The following ANTXR1 variants were observed in gnomAD, a reference collection of about 807,000 sequenced individuals.
ANTXR1 encodes the protein anthrax toxin receptor 1.
ANTXR1 carries 19 observed loss-of-function variants against 78.1 expected under a neutral mutation model. That is an observed-to-expected ratio of 0.24 (90% CI 0.17 to 0.36). ANTXR1 has a LOEUF of 0.36. ANTXR1 is among the 10% of genes least tolerant of loss of function. The pLI, the probability that ANTXR1 is intolerant of heterozygous loss-of-function variation, is 1.00. For missense variants in ANTXR1, 518 were observed against 718.6 expected, an observed-to-expected ratio of 0.72 and a Z score of 3.19; for synonymous variants, 273 against 260.5, an observed-to-expected ratio of 1.05 and a Z score of -0.46.
intron 14 of ANTXR1, among the ~76,000 whole-genome samples, chr2:69,177,076 T>C (rs1056037023): frequency 6.6e-6 from 1 of 152,202 alleles, no homozygotes; most frequent in African/African-American, 2.4e-5. Flanking sequence ...GGAAAATTCA[T>C]CCTTTCTACC....
intron 17 of ANTXR1, among the ~76,000 whole-genome samples, chr2:69,244,460 T>G (rs2104535788): frequency 6.6e-6 from 1 of 152,334 alleles, no homozygotes; most frequent in African/African-American, 2.4e-5. Flanking sequence ...ACAAACTGTT[T>G]ATTATTTACT....
intron 1 of ANTXR1, among the ~76,000 whole-genome samples, chr2:69,037,448 G>A (rs970156599): frequency 3.9e-5 from 6 of 152,064 alleles, no homozygotes; most frequent in African/African-American, 7.2e-5. Context: ...AAAGCAACAC[G>A]GAGAGACCAA....
At chr2:69,014,486 A>C (rs1670964250) in intron 1 of ANTXR1, among the ~76,000 whole-genome samples, 1 of 152,166 alleles carries the variant, frequency 6.6e-6, no homozygotes, top group African/African-American at 2.4e-5. Flanking sequence ...TTCCTTGCAA[A>C]AAGTGGTTAG....
At chr2:69,150,415 C>T (rs968569855) in intron 12 of ANTXR1, among the ~76,000 whole-genome samples, 1 of 152,294 alleles carries the variant, frequency 6.6e-6, no homozygotes. Flanking sequence ...AGATCCCCTG[C>T]CCCTGGATAA....
chr2:69,036,255 T>C (rs1026196302), intron 1 of ANTXR1, among the ~76,000 whole-genome samples: 1 of 152,196 alleles, frequency 6.6e-6, no homozygotes, highest in African/African-American at 2.4e-5. Context: ...AGTGGATGTA[T>C]ATATTTACAG....
chr2:69,238,960 CAT>C (rs1675836635), intron 17 of ANTXR1, among the ~76,000 whole-genome samples: 1 of 152,154 alleles, frequency 6.6e-6, no homozygotes, highest in Non-Finnish European at 1.5e-5. Context: ...ACACAGCACA[CAT>C]GAGCTCACCA....
In ANTXR1 at chr2:69,070,656, C is replaced by T. The variant is rs1670537658; in HGVS notation, c.306C>T (p.Ile102=). 2 of 1,613,968 alleles carry T rather than the reference C, an allele frequency of 1.2e-6. No homozygotes were observed. The highest frequency in any genetic ancestry group is 1.7e-6 in the Non-Finnish European group (2 of 1,179,968). ...TGTCTTTGGATTTCAGAGAACAAATCCGTCAAGGCCTAGAAGAACTCCAGA... is the reference window on the plus strand; with the variant it reads ...TGTCTTTGGATTTCAGAGAACAAATTCGTCAAGGCCTAGAAGAACTCCAGA... The part of the protein sequence containing the change: ...LMKLTEDREQ[I]RQGLEELQKV... Residue 102 remains isoleucine (I), a synonymous_variant, in exon 4 of 18, where the codon ATC becomes ATT. Transcript: ENST00000303714.
chr2:69,136,446 A>G (rs983985739), intron 12 of ANTXR1, among the ~76,000 whole-genome samples: 1 of 152,256 alleles, frequency 6.6e-6, no homozygotes, highest in African/African-American at 2.4e-5. Flanking sequence ...GTGCCAAATA[A>G]AAAACAATTG....
chr2:69,115,029 A>G (rs1672096253), intron 10 of ANTXR1, among the ~76,000 whole-genome samples: 1 of 152,118 alleles, frequency 6.6e-6, no homozygotes, highest in Non-Finnish European at 1.5e-5. Context: ...AACACTACTG[A>G]CATTTTGGGC....
chr2:69,091,379 TG>T (rs1671231060), intron 9 of ANTXR1, among the ~76,000 whole-genome samples: 1 of 142,124 alleles, frequency 7.0e-6, no homozygotes, highest in Admixed American at 7.4e-5. Flanking sequence ...AGGCAGAGGT[TG>T]GGTTGCAGTG....
chr2:69,164,870 A>G (rs1434222671), intron 13 of ANTXR1, among the ~76,000 whole-genome samples: 1 of 152,230 alleles, frequency 6.6e-6, no homozygotes, highest in South Asian at 2.1e-4. Flanking sequence ...AAATTTTTAG[A>G]ATGAAACAGC....
In ANTXR1 at chr2:69,182,676, C is replaced by CA. The variant is rs779438581; in HGVS notation, c.1353+22dup. The CA allele has an allele frequency of 3.7e-6, 6 of 1,613,856 alleles. No individual in the cohort carries two copies. The highest frequency in any genetic ancestry group is 2.7e-5 in the African/African-American group (2 of 74,884). On this transcript the variant is annotated intron_variant, in intron 16 of 17. Transcript: ENST00000303714. ...TCCAATCAAGGTGTGTCTCTTTACTCAAAAAATCTATCATCAGTCCTGATA... is the reference window on the plus strand; with the variant it reads ...TCCAATCAAGGTGTGTCTCTTTACTCAAAAAAATCTATCATCAGTCCTGATA...
intron 13 of ANTXR1, among the ~76,000 whole-genome samples, chr2:69,159,038 C>T (rs1346003923): frequency 6.6e-6 from 1 of 152,016 alleles, no homozygotes; most frequent in East Asian, 1.9e-4. Context: ...GTGTTCGATG[C>T]AGAAGGAGCC....
chr2:69,204,329 C>A (rs1674843678), intron 17 of ANTXR1, among the ~76,000 whole-genome samples: 1 of 152,146 alleles, frequency 6.6e-6, no homozygotes, highest in African/African-American at 2.4e-5. Flanking sequence ...AACATCCACA[C>A]ACACCCATCT....
intron 4 of ANTXR1, 84 bp from the exon 5 acceptor site, chr2:69,071,670 A>C: frequency 7.2e-7 from 1 of 1,391,684 alleles, no homozygotes; most frequent in Admixed American, 1.7e-5. Context: ...CTGCATATTC[A>C]ACAACAGAGC....
intron 12 of ANTXR1, chr2:69,145,316 T>C (rs1378305691): frequency 6.3e-7 from 1 of 1,584,602 alleles, no homozygotes; most frequent in Admixed American, 1.8e-5. Flanking sequence ...TTATGTTCTC[T>C]TTCTTAAAGA....
chr2:69,080,832 G>A lies in ANTXR1; in HGVS notation c.642+3344G>A, dbSNP rs140538871. The stretch of plus-strand genomic sequence containing the variant: ...GAAGGGCATGGATAGAATGTTCTTG[G>A]CAGAGCACGGCCCAGTACAGTGCAT... On this transcript the variant is annotated intron_variant, in intron 8 of 17. Coordinates refer to ENST00000303714, the MANE Select transcript of ANTXR1 (RefSeq NM_032208.3). Among the ~76,000 whole-genome samples the A allele has an allele frequency of 2.7e-3, 415 of 152,276 alleles. 6 individuals carry two copies. The highest frequency in any genetic ancestry group is 1.4e-3 in the Non-Finnish European group (94 of 68,016).
At chr2:69,156,010 C>A (rs1673514631) in intron 13 of ANTXR1, among the ~76,000 whole-genome samples, 1 of 152,072 alleles carries the variant, frequency 6.6e-6, no homozygotes, top group South Asian at 2.1e-4. Context: ...GTCCCTATAC[C>A]TACACCTTCC....
At chr2:69,048,053 A>G (rs1362957713) in intron 3 of ANTXR1, among the ~76,000 whole-genome samples, 4 of 152,150 alleles carry the variant, frequency 2.6e-5, no homozygotes, top group Non-Finnish European at 4.4e-5. Context: ...TACAATGTCA[A>G]TTTAAGTACT....
Sources: gnomAD v4.1 joint callset for allele counts (sites outside exome capture counted in the v4.1 genomes callset) on GRCh38, gnomAD v4.1.1 for gene constraint, MANE v1.5 for transcripts, NCBI Gene and HGNC (gene_info 2026-07-23, HGNC 2026-07-21) for gene names.